Variants in ANKS1B observed in about 807,000 individuals in gnomAD.
ANKS1B encodes the protein ankyrin repeat and sterile alpha motif domain containing 1B.
Under a neutral mutation model 148.3 loss-of-function variants are expected in ANKS1B, and 36 were observed. The ratio of observed to expected loss-of-function variants is 0.24; its 90% CI spans 0.19 to 0.32. The LOEUF (loss-of-function observed/expected upper bound fraction) is 0.32. ANKS1B is among the 10% of genes least tolerant of loss of function. ANKS1B has a pLI of 1.00. For synonymous variants in ANKS1B, 542 were observed against 560.8 expected, an observed-to-expected ratio of 0.97 and a Z score of 0.47; for missense variants, 1,157 against 1,542.6, an observed-to-expected ratio of 0.75 and a Z score of 4.19.
chr12:99,301,281 A>G (rs2081564747), intron 12 of ANKS1B, among the ~76,000 whole-genome samples: 1 of 152,214 alleles, frequency 6.6e-6, no homozygotes, highest in South Asian at 2.1e-4. Flanking sequence ...AAGGACCCAC[A>G]TAGACATACA....
At chr12:99,097,291 C>T (rs765617120) in intron 15 of ANKS1B, 9 of 152,102 alleles carry the variant, frequency 5.9e-5, no homozygotes, top group Non-Finnish European at 1.3e-4. Flanking sequence ...ATTGCTGGTA[C>T]ACCATAACAC....
intron 1 of ANKS1B, among the ~76,000 whole-genome samples, chr12:99,906,994 C>T (rs1286365320): frequency 3.3e-5 from 5 of 152,160 alleles, no homozygotes; most frequent in Admixed American, 2.0e-4. Context: ...ACTAACATTG[C>T]CTGAAGGCAG....
At chr12:99,498,198 T>C (rs779692264) in intron 10 of ANKS1B, among the ~76,000 whole-genome samples, 2 of 152,188 alleles carry the variant, frequency 1.3e-5, no homozygotes, top group African/African-American at 2.4e-5. Context: ...TTCATCTTTC[T>C]CCAATCTATA....
chr12:99,413,136 T>G (rs2094774650), intron 11 of ANKS1B, among the ~76,000 whole-genome samples: 1 of 152,196 alleles, frequency 6.6e-6, no homozygotes, highest in South Asian at 2.1e-4. Flanking sequence ...GACGTGGACA[T>G]TCTTCTAGGC....
intron 16 of ANKS1B, among the ~76,000 whole-genome samples, chr12:99,054,974 A>T (rs905689972): frequency 1.3e-5 from 2 of 152,200 alleles, no homozygotes; most frequent in Non-Finnish European, 1.5e-5. Flanking sequence ...ATATTTGTTC[A>T]TGTAACACTT....
At chr12:98,851,808 G>C (rs942279739) in intron 17 of ANKS1B, among the ~76,000 whole-genome samples, 2 of 151,898 alleles carry the variant, frequency 1.3e-5, no homozygotes, top group African/African-American at 4.8e-5. Flanking sequence ...GGTGGATCAC[G>C]AGGTCAAGAG....
intron 2 of ANKS1B, among the ~76,000 whole-genome samples, chr12:99,820,973 G>A (rs528003416): frequency 6.6e-6 from 1 of 152,012 alleles, no homozygotes; most frequent in East Asian, 1.9e-4. Flanking sequence ...AGGGGTGTCA[G>A]GTAGAAAAAG....
intron 2 of ANKS1B, among the ~76,000 whole-genome samples, chr12:99,823,985 A>G (rs2082840548): frequency 6.6e-6 from 1 of 152,134 alleles, no homozygotes; most frequent in African/African-American, 2.4e-5. Flanking sequence ...GTTTTAGTTA[A>G]TACTGTAGCC....
At chr12:98,758,761 T>C (rs1041230264) in intron 25 of ANKS1B, among the ~76,000 whole-genome samples, 7 of 148,576 alleles carry the variant, frequency 4.7e-5, no homozygotes, top group Admixed American at 2.7e-4. Context: ...TTCTTTTTTC[T>C]TTTCTTTTCT....
intron 12 of ANKS1B, among the ~76,000 whole-genome samples, chr12:99,303,925 C>T (rs781717451): frequency 4.6e-5 from 7 of 152,058 alleles, no homozygotes; most frequent in South Asian, 2.1e-4. Flanking sequence ...TAATGGTCTC[C>T]GACTCCATCT....
At chr12:99,394,818 C>T (rs79435224) in intron 12 of ANKS1B, among the ~76,000 whole-genome samples, 3,806 of 152,252 alleles carry the variant, frequency 0.025, 152 homozygotes, top group East Asian at 0.085. Context: ...ACGTTCACAT[C>T]TATACCTGCA....
intron 17 of ANKS1B, among the ~76,000 whole-genome samples, chr12:98,920,293 T>C (rs755415095): frequency 1.1e-4 from 16 of 152,232 alleles, no homozygotes; most frequent in Non-Finnish European, 1.6e-4. Flanking sequence ...ACGCTGCCAA[T>C]TGTTGGTTGA....
chr12:99,145,858 T>C (rs1337428190), intron 15 of ANKS1B, among the ~76,000 whole-genome samples: 18 of 152,242 alleles, frequency 1.2e-4, no homozygotes, highest in Admixed American at 1.2e-3. Flanking sequence ...TTTTTTAACC[T>C]TGTTGAGTTT....
chr12:99,717,683 G>A (rs1349909707), intron 8 of ANKS1B, among the ~76,000 whole-genome samples: 2 of 152,124 alleles, frequency 1.3e-5, no homozygotes, highest in South Asian at 2.1e-4. Flanking sequence ...CGATCGCCTT[G>A]GAAGCCCCCT....
chr12:98,791,552 G>T (rs1159099979), intron 22 of ANKS1B, among the ~76,000 whole-genome samples: 5 of 139,390 alleles, frequency 3.6e-5, no homozygotes, highest in African/African-American at 1.3e-4. Flanking sequence ...GGGCAACAGA[G>T]AATTTTTTTT....
At chr12:99,222,465 A>G (rs2085280016) in intron 14 of ANKS1B, among the ~76,000 whole-genome samples, 1 of 152,034 alleles carries the variant, frequency 6.6e-6, no homozygotes, top group Non-Finnish European at 1.5e-5. Context: ...AAATACAAAA[A>G]ATTAGCTGGG....
intron 14 of ANKS1B, among the ~76,000 whole-genome samples, chr12:99,231,998 T>C (rs984595303): frequency 8.5e-5 from 13 of 152,088 alleles, no homozygotes; most frequent in African/African-American, 2.9e-4. Flanking sequence ...AAACTCTCTA[T>C]GGGTGGGTCT....
At chr12:98,754,322 G>C (rs2098176807) in intron 25 of ANKS1B, among the ~76,000 whole-genome samples, 1 of 152,192 alleles carries the variant, frequency 6.6e-6, no homozygotes, top group East Asian at 1.9e-4. Flanking sequence ...TGCACAAAGA[G>C]GGCTGAGCTC....
intron 9 of ANKS1B, among the ~76,000 whole-genome samples, chr12:99,515,928 T>TTTTCATATGCCTGTTTGCCA (rs1366541069): frequency 6.6e-6 from 1 of 152,174 alleles, no homozygotes; most frequent in African/African-American, 2.4e-5. Flanking sequence ...GCTGAGCACC[T>TTTTCATATGCCTGTTTGCCA]TTTCATATGC....
Sources: gnomAD v4.1 joint callset for allele counts (sites outside exome capture counted in the v4.1 genomes callset) on GRCh38, gnomAD v4.1.1 for gene constraint, MANE v1.5 for transcripts, NCBI Gene and HGNC (gene_info 2026-07-23, HGNC 2026-07-21) for gene names.